UXS1: variants seen among roughly 807,000 people sequenced by gnomAD.
UXS1 encodes UDP-glucuronic acid decarboxylase 1.
A neutral mutation model predicts 62.6 loss-of-function variants in UXS1; 33 were observed. That is an observed-to-expected ratio of 0.53 (90% CI 0.40 to 0.70). The LOEUF (loss-of-function observed/expected upper bound fraction) is 0.70, where lower values mean the gene tolerates loss of function less well. UXS1 is among the 30% of genes least tolerant of loss of function. The pLI is 0.00. For missense variants in UXS1, 434 were observed against 556.3 expected, an observed-to-expected ratio of 0.78 and a Z score of 2.21; for synonymous variants, 213 against 206.8, an observed-to-expected ratio of 1.03 and a Z score of -0.26.
In UXS1 at chr2:106,141,388, T is replaced by A. The variant is rs1017607864; in HGVS notation, c.472+3802A>T. On this transcript the variant is annotated intron_variant, in intron 6 of 14. Coordinates refer to ENST00000283148, the MANE Select transcript of UXS1 (RefSeq NM_001253875.2). ...TGAATACAAAGAAAGGATCAACAGC[T>A]GTTTCCTGAGGAGAGCTGAGAACTG... Among the ~76,000 whole-genome samples the A allele has an allele frequency of 4.6e-5, 7 of 152,328 alleles. No individual in the cohort carries two copies. In the South Asian group the frequency reaches 1.4e-3, roughly 32 times the overall value.
intron 11 of UXS1, among the ~76,000 whole-genome samples, chr2:106,104,537 A>C (rs1043169574): frequency 6.6e-6 from 1 of 152,202 alleles, no homozygotes; most frequent in African/African-American, 2.4e-5. Flanking sequence ...GAGCTGGGCA[A>C]CTTCACCCAC....
intron 10 of UXS1, among the ~76,000 whole-genome samples, chr2:106,111,273 A>C (rs113212742): frequency 1.4e-3 from 219 of 152,270 alleles, no homozygotes; most frequent in African/African-American, 5.1e-3. Flanking sequence ...AGGAAGGAGA[A>C]GAGCCATGTG....
intron 6 of UXS1, among the ~76,000 whole-genome samples, chr2:106,137,458 C>T (rs1271028035): frequency 3.3e-5 from 5 of 152,092 alleles, no homozygotes; most frequent in Non-Finnish European, 5.9e-5. Flanking sequence ...CCTCCTCATA[C>T]CCACTGCCAC....
chr2:106,141,505 G>A (rs759158540), intron 6 of UXS1, among the ~76,000 whole-genome samples: 52 of 152,268 alleles, frequency 3.4e-4, no homozygotes, highest in Non-Finnish European at 7.4e-4. Flanking sequence ...CTGTCACCCA[G>A]GCTGGAGTGC....
chr2:106,175,398 C>G (rs1683817758), intron 1 of UXS1, among the ~76,000 whole-genome samples: 1 of 152,162 alleles, frequency 6.6e-6, no homozygotes, highest in Non-Finnish European at 1.5e-5. Flanking sequence ...CTACATGGAG[C>G]CTTTATACCC....
intron 2 of UXS1, among the ~76,000 whole-genome samples, chr2:106,165,620 G>A (rs761273115): frequency 3.3e-5 from 5 of 152,172 alleles, no homozygotes; most frequent in Middle Eastern, 3.4e-3. Flanking sequence ...CAGGCCTAAC[G>A]CTGGACTAAA....
intron 9 of UXS1, among the ~76,000 whole-genome samples, chr2:106,119,506 G>C (rs1679345463): frequency 6.6e-6 from 1 of 152,332 alleles, no homozygotes; most frequent in African/African-American, 2.4e-5. Context: ...GCACGCAGCA[G>C]GCATTCCAGC....
chr2:106,157,234 A>T (rs934315408), intron 5 of UXS1, among the ~76,000 whole-genome samples: 4 of 151,786 alleles, frequency 2.6e-5, no homozygotes, highest in Non-Finnish European at 4.4e-5. Flanking sequence ...TTAAGGGTGA[A>T]CTGTATGGTA....
intron 1 of UXS1, among the ~76,000 whole-genome samples, chr2:106,191,542 T>A (rs1463358383): frequency 6.6e-6 from 1 of 152,244 alleles, no homozygotes; most frequent in Non-Finnish European, 1.5e-5. Flanking sequence ...CCCTCATAGC[T>A]AAAATCAACC....
At chr2:106,101,423 T>C (rs572646234) in intron 11 of UXS1, 62 of 305,856 alleles carry the variant, frequency 2.0e-4, no homozygotes, top group African/African-American at 1.3e-3. Context: ...TGAAGTCCTT[T>C]AACAATTAAA....
chr2:106,161,686 C>T (rs986228213), intron 4 of UXS1, among the ~76,000 whole-genome samples: 4 of 152,096 alleles, frequency 2.6e-5, no homozygotes, highest in Admixed American at 6.5e-5. Flanking sequence ...AAGCAGTATT[C>T]TTACTTAGAA....
chr2:106,167,248 G>T (rs1683268311), intron 1 of UXS1, among the ~76,000 whole-genome samples: 1 of 151,842 alleles, frequency 6.6e-6, no homozygotes, highest in South Asian at 2.1e-4. Flanking sequence ...CTAATATTTT[G>T]TACACACTCC....
chr2:106,107,305 G>A (rs987324345), intron 10 of UXS1, among the ~76,000 whole-genome samples: 2 of 152,200 alleles, frequency 1.3e-5, no homozygotes. Flanking sequence ...GTCCAGAGCG[G>A]CAGTGGCCTT....
chr2:106,142,904 GGT>G (rs1681235818), intron 6 of UXS1, among the ~76,000 whole-genome samples: 1 of 143,048 alleles, frequency 7.0e-6, no homozygotes, highest in Non-Finnish European at 1.5e-5. Flanking sequence ...TGGGTGTGTG[GGT>G]GTGTGTGTTT....
At chr2:106,107,473 G>A (rs141000072) in intron 10 of UXS1, among the ~76,000 whole-genome samples, 1 of 152,316 alleles carries the variant, frequency 6.6e-6, no homozygotes, top group Non-Finnish European at 1.5e-5. Context: ...CCCAAGCCCT[G>A]GAGGAACACA....
chr2:106,179,142 G>A (rs1369734906), intron 1 of UXS1, among the ~76,000 whole-genome samples: 9 of 152,138 alleles, frequency 5.9e-5, no homozygotes. Context: ...AGGCACAGGT[G>A]AGGCACCCTC....
intron 14 of UXS1, 136 bp downstream of exon 14, chr2:106,096,582 A>C (rs1677129557): frequency 1.6e-6 from 1 of 645,082 alleles, no homozygotes; most frequent in Admixed American, 3.1e-5. Flanking sequence ...CTTGGAGAAA[A>C]CCCTCTATCT....
At chr2:106,123,141 C>T in intron 8 of UXS1, 50 bp from the exon 9 acceptor site, 1 of 1,608,954 alleles carries the variant, frequency 6.2e-7, no homozygotes, top group South Asian at 1.1e-5. Flanking sequence ...TTTTCCAGTT[C>T]ATATCAATAA....
chr2:106,182,131 G>A (rs189469966), intron 1 of UXS1, among the ~76,000 whole-genome samples: 109 of 152,294 alleles, frequency 7.2e-4, no homozygotes, highest in African/African-American at 2.5e-3. Flanking sequence ...ACTTTGCTGA[G>A]GGCCAAAAGA....
Sources: gnomAD v4.1 joint callset for allele counts (sites outside exome capture counted in the v4.1 genomes callset) on GRCh38, gnomAD v4.1.1 for gene constraint, MANE v1.5 for transcripts, NCBI Gene and HGNC (gene_info 2026-07-23, HGNC 2026-07-21) for gene names.